The following CTIF variants were observed in gnomAD, a reference collection of about 807,000 sequenced individuals.
CTIF encodes the protein CBP80/20-dependent translation initiation factor.
Under a neutral mutation model 66.0 loss-of-function variants are expected in CTIF, and 21 were observed. The ratio of observed to expected loss-of-function variants is 0.32; its 90% CI spans 0.23 to 0.46. The LOEUF is 0.46. CTIF is among the 20% of genes least tolerant of loss of function. CTIF has a pLI of 1.00. For synonymous variants in CTIF, 345 were observed against 326.4 expected (o/e 1.06, Z -0.62); for missense variants, 739 against 812.7 (o/e 0.91, Z 1.10).
chr18:48,695,816 G>T (rs2091998049), intron 6 of CTIF, among the ~76,000 whole-genome samples: 1 of 152,212 alleles, frequency 6.6e-6, no homozygotes, highest in Non-Finnish European at 1.5e-5. Flanking sequence ...AACTGGCATT[G>T]CTCAGTCAGG....
At chr18:48,819,459 G>C (rs988360668) in intron 10 of CTIF, among the ~76,000 whole-genome samples, 1 of 152,202 alleles carries the variant, frequency 6.6e-6, no homozygotes, top group African/African-American at 2.4e-5. Flanking sequence ...GACACCTCCT[G>C]GTGTTGTCGT....
At chr18:48,709,561 T>C (rs2092200379) in intron 6 of CTIF, among the ~76,000 whole-genome samples, 1 of 152,176 alleles carries the variant, frequency 6.6e-6, no homozygotes, top group Non-Finnish European at 1.5e-5. Context: ...GAGATCCTAG[T>C]CCCTGCCGCC....
At chr18:48,541,861 T>C (rs772772156) in intron 1 of CTIF, among the ~76,000 whole-genome samples, 10 of 146,924 alleles carry the variant, frequency 6.8e-5, no homozygotes, top group Non-Finnish European at 1.3e-4. Context: ...CCAGATATCA[T>C]AGCATTTATT....
chr18:48,640,878 C>G (rs1212005772), intron 3 of CTIF, among the ~76,000 whole-genome samples: 2 of 152,228 alleles, frequency 1.3e-5, no homozygotes, highest in African/African-American at 2.4e-5. Flanking sequence ...TGAACCCTTT[C>G]AGAGGCAGAA....
At chr18:48,822,379 A>AAC (rs1349753913) in intron 10 of CTIF, among the ~76,000 whole-genome samples, 1 of 152,054 alleles carries the variant, frequency 6.6e-6, no homozygotes, top group Non-Finnish European at 1.5e-5. Context: ...GCTATTTTGA[A>AAC]ATATATAATG....
At chr18:48,712,542 A>G (rs2092237137) in intron 7 of CTIF, among the ~76,000 whole-genome samples, 1 of 152,252 alleles carries the variant, frequency 6.6e-6, no homozygotes, top group South Asian at 2.1e-4. Flanking sequence ...AAATACCAAA[A>G]AAAGAACGAA....
intron 1 of CTIF, among the ~76,000 whole-genome samples, chr18:48,591,420 C>G (rs1013879234): frequency 1.3e-5 from 2 of 152,238 alleles, no homozygotes; most frequent in Non-Finnish European, 2.9e-5. Flanking sequence ...AAGGTCAACA[C>G]CAGCCTGGCA....
At chr18:48,764,559 G>T (rs1183353249) in intron 9 of CTIF, among the ~76,000 whole-genome samples, 1 of 152,104 alleles carries the variant, frequency 6.6e-6, no homozygotes, top group South Asian at 2.1e-4. Context: ...CCCTTCTCCC[G>T]GGCTAGGGGC....
At chr18:48,662,951 A>C (rs2091371688) in intron 3 of CTIF, among the ~76,000 whole-genome samples, 1 of 152,100 alleles carries the variant, frequency 6.6e-6, no homozygotes, top group Non-Finnish European at 1.5e-5. Flanking sequence ...GTAATGGCGG[A>C]TGCTGCTGTA....
In CTIF at chr18:48,768,883, G is replaced by A. The variant is rs117699602; in HGVS notation, c.1371+7194G>A. 5.4e-3 allele frequency among the ~76,000 whole-genome samples: 819 copies of A among 152,280 alleles called. 3 individuals carry two copies. Among genetic ancestry groups the A allele is most frequent in the South Asian group, 0.023 (113 of 4,824 alleles). On this transcript the variant is annotated intron_variant, in intron 9 of 11. Coordinates refer to ENST00000256413, the MANE Select transcript of CTIF (RefSeq NM_014772.3). ...CCTGCTGTTGCGCTCCAGTGTGAGC[G>A]ACAGAGTGAGACTCTAAAAAACAAA...
At chr18:48,658,712 T>C (rs1259544702) in intron 3 of CTIF, among the ~76,000 whole-genome samples, 2 of 152,164 alleles carry the variant, frequency 1.3e-5, no homozygotes, top group African/African-American at 4.8e-5. Context: ...TATATGTGTC[T>C]GTGGCATATG....
intron 7 of CTIF, among the ~76,000 whole-genome samples, chr18:48,722,074 C>T (rs1372550550): frequency 2.6e-5 from 4 of 152,196 alleles, no homozygotes; most frequent in African/African-American, 4.8e-5. Flanking sequence ...CGTGTATCTT[C>T]AGCTCAGCCC....
chr18:48,757,109 A>G (rs1465887435), intron 7 of CTIF, among the ~76,000 whole-genome samples: 1 of 152,024 alleles, frequency 6.6e-6, no homozygotes, highest in Non-Finnish European at 1.5e-5. Flanking sequence ...TCTTCTGGGC[A>G]TGCAGCCTCC....
intron 1 of CTIF, among the ~76,000 whole-genome samples, chr18:48,545,152 G>A (rs1404543445): frequency 6.6e-6 from 1 of 152,218 alleles, no homozygotes; most frequent in Admixed American, 6.5e-5. Flanking sequence ...GGGTGTGGAG[G>A]CATGAGGCTG....
chr18:48,656,065 C>T (rs992968297), intron 3 of CTIF, among the ~76,000 whole-genome samples: 9 of 152,234 alleles, frequency 5.9e-5, no homozygotes, highest in East Asian at 3.8e-4. Flanking sequence ...GCAGCCTCAT[C>T]GCATACCCAC....
chr18:48,702,747 C>A (rs951515130), intron 6 of CTIF, among the ~76,000 whole-genome samples: 1 of 152,132 alleles, frequency 6.6e-6, no homozygotes, highest in African/African-American at 2.4e-5. Flanking sequence ...ATGGGTGAGC[C>A]TGCCCACCCC....
At chr18:48,804,639 A>G (rs571812287) in intron 9 of CTIF, among the ~76,000 whole-genome samples, 250 of 152,304 alleles carry the variant, frequency 1.6e-3, no homozygotes, top group Non-Finnish European at 2.9e-3. Flanking sequence ...TACGTTGCAC[A>G]TGTTACTCAT....
chr18:48,851,094 G>A (rs138606910), intron 10 of CTIF, among the ~76,000 whole-genome samples: 137 of 152,360 alleles, frequency 9.0e-4, no homozygotes, highest in Middle Eastern at 3.4e-3. Context: ...GGAAGGGGGG[G>A]CTCTAGGGTT....
At chr18:48,760,259 C>T (rs1469544715) in intron 8 of CTIF, 1 of 150,072 alleles carries the variant, frequency 6.7e-6, no homozygotes, top group African/African-American at 2.5e-5. Context: ...CCAATCTCGG[C>T]TCACTGCAAG....
Sources: allele counts gnomAD v4.1 joint callset (sites outside exome capture counted in the v4.1 genomes callset), GRCh38; gene constraint gnomAD v4.1.1; transcripts MANE v1.5; gene names NCBI Gene and HGNC (gene_info 2026-07-23, HGNC 2026-07-21).